Variants in C1orf167 observed in about 807,000 individuals in gnomAD.
C1orf167 encodes uncharacterized protein C1orf167.
A neutral mutation model predicts 176.5 loss-of-function variants in C1orf167; 153 were observed. That is an observed-to-expected ratio of 0.87 (90% CI 0.76 to 0.99). The LOEUF is 0.99. Among genes scored for constraint, C1orf167 ranks in the 50% least tolerant of loss-of-function variants. The probability of loss-of-function intolerance (pLI) is 0.00; values close to 1 mark genes in which losing one functional copy is unlikely to be tolerated. For missense variants in C1orf167, 1,490 were observed against 1,817.7 expected, an observed-to-expected ratio of 0.82 and a Z score of 3.28; for synonymous variants, 594 against 752.7, an observed-to-expected ratio of 0.79 and a Z score of 3.45.
chr1:11,768,409 T>C lies in C1orf167; in HGVS notation c.1542+134T>C. The C allele has an allele frequency of 1.3e-6, 1 of 760,660 alleles. No homozygotes were observed. The highest frequency in any genetic ancestry group is 1.7e-5 in the South Asian group (1 of 57,458). The allele number at this position is 760,660 out of a possible 1,614,324, so 47.1% of individuals were successfully genotyped here. Reference sequence around the variant, plus strand: ...GAATGATCAGCAGTAAAGGGTGTAGTTGTGAGTCCACACACCTGAATCAGC... The same window carrying C: ...GAATGATCAGCAGTAAAGGGTGTAGCTGTGAGTCCACACACCTGAATCAGC... On this transcript the variant is annotated intron_variant, in intron 5 of 20. Transcript: ENST00000688073. The surrounding 1 kb of genome is among the most constrained non-coding windows in gnomAD (Gnocchi z 4.5).
At position 11,784,433 on chromosome 1, in the gene C1orf167, C is replaced by T. The variant is rs1183652400; in HGVS notation, c.3265C>T (p.Pro1089Ser). 7.7e-7 allele frequency: 1 copy of T among 1,303,652 alleles called. No homozygotes were observed. Among genetic ancestry groups the T allele is most frequent in the Non-Finnish European group, 1.0e-6 (1 of 988,880 alleles). 80.8% of individuals were successfully genotyped at this position (1,303,652 alleles called of 1,614,324 possible). ...ARAPQAFPAW[P>S]VAPGMHHEAQ... ...GGCCCCACAGGCCTTCCCAGCATGGCCAGTGGCCCCGGGCATGCACCATGA... is the reference window on the plus strand; with the variant it reads ...GGCCCCACAGGCCTTCCCAGCATGGTCAGTGGCCCCGGGCATGCACCATGA... The change falls in exon 15 of 21, where the codon CCA (proline) becomes TCA (serine). Residue 1089 changes from proline (P) to serine (S), a missense_variant. Transcript: ENST00000688073.
chr1:11,789,029 G>A, intron 20 of C1orf167: 1 of 391,942 alleles, frequency 2.6e-6, no homozygotes, highest in Non-Finnish European at 4.8e-6. Context: ...AGCCCATGGA[G>A]GGCCTGGGTC....
chr1:11,778,944 C>T lies in C1orf167; in HGVS notation c.2515C>T (p.Leu839Phe), dbSNP rs1022219939. ...TCCCCAGGTTCCCAGGGCCCCCACC[C>T]TCCCGGACACTCTCCAGGGGAGCCT... is the stretch of plus-strand genomic sequence containing the variant. ...SLEKVPRAPT[L>F]PDTLQGSLLW... The change falls in exon 12 of 21, where the codon CTC (leucine) becomes TTC (phenylalanine). Residue 839 changes from leucine to phenylalanine, a missense_variant. By Grantham distance (22) the Leu-to-Phe change is conservative (BLOSUM62 0). Coordinates refer to ENST00000688073, the MANE Select transcript of C1orf167 (RefSeq NM_001010881.2). The T allele has an allele frequency of 9.2e-6, 12 of 1,303,660 alleles. No homozygotes were observed. The highest frequency in any genetic ancestry group is 1.2e-5 in the Non-Finnish European group (12 of 988,636). 80.8% of individuals were successfully genotyped at this position (1,303,660 alleles called of 1,614,324 possible). A position where few individuals can be genotyped will look rare whatever the true frequency, so the allele number is the denominator to read the frequency against.
In C1orf167 at chr1:11,785,170, T is replaced by G. The variant is rs1389963370; in HGVS notation, c.3448T>G (p.Ser1150Ala). The stretch of plus-strand genomic sequence containing the variant: ...CAGGGTCCTAGAGGCCTCGGTGCAG[T>G]CGGCGGTGCGCGGCGGTGTCCAGCG... ...RAWVLEASVQ[S>A]AVRGGVQRAI... The change falls in exon 16 of 21, where the codon TCG (serine) becomes GCG (alanine). Residue 1150 changes from serine (S) to alanine (A), a missense_variant. Physicochemically the swap from Ser to Ala is moderately conservative, Grantham distance 99. Transcript: ENST00000688073. 1 of 1,291,222 alleles carries G rather than the reference T, an allele frequency of 7.7e-7. No homozygotes were observed. The highest frequency in any genetic ancestry group is 1.0e-6 in the Non-Finnish European group (1 of 988,706). 80.0% of individuals were successfully genotyped at this position (1,291,222 alleles called of 1,614,324 possible).
chr1:11,788,286 G>C lies in C1orf167; in HGVS notation c.3986G>C (p.Arg1329Pro). The change falls in exon 19 of 21, where the codon CGG becomes CCG. Residue 1329 changes from arginine to proline, a missense_variant. Arg to Pro is a moderately radical substitution (Grantham distance 103, BLOSUM62 -2). Transcript: ENST00000688073. ...AAPVPRGTAS[R>P]AAGFPAGQVP... is the part of the protein sequence containing the mutation. ...CCGGTGCCTCGAGGCACTGCTTCAC[G>C]GGCTGCGGGGTTCCCAGCAGGCCAG... 1 of 1,303,692 alleles carries C rather than the reference G, an allele frequency of 7.7e-7. No individual in the cohort carries two copies. The highest frequency in any genetic ancestry group is 1.0e-6 in the Non-Finnish European group (1 of 988,614). 80.8% of individuals were successfully genotyped at this position (1,303,692 alleles called of 1,614,324 possible).
At chr1:11,787,574 A>G (rs1196218947) in intron 17 of C1orf167, 81 bp downstream of exon 17, 1 of 1,009,894 alleles carries the variant, frequency 9.9e-7, no homozygotes, top group Non-Finnish European at 1.3e-6. Flanking sequence ...GGGCCTGGAA[A>G]TCAGCTCCTT....
At chr1:11,763,028 C>T (rs770482045) in intron 1 of C1orf167, among the ~76,000 whole-genome samples, 4 of 152,092 alleles carry the variant, frequency 2.6e-5, no homozygotes, top group Admixed American at 6.5e-5. Context: ...AGCACAGAGG[C>T]GCTGAGGTGA....
Position 11,771,523 on chromosome 1 carries a change from G to C in C1orf167, c.1698-1G>C. 1 of 1,289,542 alleles carries C rather than the reference G, an allele frequency of 7.8e-7. No individual in the cohort carries two copies. Among genetic ancestry groups the C allele is most frequent in the Non-Finnish European group, 1.0e-6 (1 of 988,660 alleles). The allele number at this position is 1,289,542 out of a possible 1,614,324, so 79.9% of individuals were successfully genotyped here. ...TTCTCTCTGGGCAACTTTGCTTTTA[G>C]TCCAGGAAGTCTGAGGGAGGAGGAG... On this transcript the variant is annotated splice_acceptor_variant, in intron 6 of 20. Transcript: ENST00000688073. LOFTEE classifies it high-confidence loss of function.
chr1:11,772,587 C>T (rs537932754), intron 8 of C1orf167, among the ~76,000 whole-genome samples: 1 of 152,308 alleles, frequency 6.6e-6, no homozygotes, highest in South Asian at 2.1e-4. Context: ...TTTAAGTCAG[C>T]TCTTGACTCC....
intron 16 of C1orf167, 79 bp downstream of exon 16, chr1:11,785,368 G>T: frequency 8.4e-7 from 1 of 1,194,550 alleles, no homozygotes; most frequent in Non-Finnish European, 1.1e-6. Context: ...GGACGCCCCA[G>T]CCCCTTGGAA....
At chr1:11,787,345 A>G (rs1643904342) in intron 16 of C1orf167, 43 bp from the exon 17 acceptor site, 1 of 1,202,210 alleles carries the variant, frequency 8.3e-7, no homozygotes, top group African/African-American at 1.6e-5. Flanking sequence ...CAGGAAGTCC[A>G]AGCCCATGGG....
In C1orf167 at chr1:11,785,177, T is replaced by C. The variant is rs752789543; in HGVS notation, c.3455T>C (p.Val1152Ala). The change falls in exon 16 of 21, where the codon GTG becomes GCG. Residue 1152 changes from valine to alanine, a missense_variant. Val to Ala is a moderately conservative substitution (Grantham distance 64). Coordinates refer to ENST00000688073, the MANE Select transcript of C1orf167 (RefSeq NM_001010881.2). ...CTAGAGGCCTCGGTGCAGTCGGCGGTGCGCGGCGGTGTCCAGCGAGCCATC... is the reference window on the plus strand; with the variant it reads ...CTAGAGGCCTCGGTGCAGTCGGCGGCGCGCGGCGGTGTCCAGCGAGCCATC... ...WVLEASVQSA[V>A]RGGVQRAILT... is the part of the protein sequence containing the mutation. The C allele has an allele frequency of 1.4e-5, 18 of 1,291,314 alleles. No individual in the cohort carries two copies. The South Asian group carries it at 1.5e-4, about 11-fold the overall frequency. The allele number at this position is 1,291,314 out of a possible 1,614,324, so 80.0% of individuals were successfully genotyped here. A position where few individuals can be genotyped will look rare whatever the true frequency, so the allele number is the denominator to read the frequency against.
At chr1:11,786,429 T>A (rs1643870656) in intron 16 of C1orf167, 1 of 152,150 alleles carries the variant, frequency 6.6e-6, no homozygotes, top group East Asian at 1.9e-4. Context: ...TAAGGTGATT[T>A]TTTTTTTCAG....
intron 1 of C1orf167, among the ~76,000 whole-genome samples, chr1:11,763,029 G>A (rs1026050733): frequency 4.6e-5 from 7 of 152,216 alleles, no homozygotes; most frequent in Admixed American, 2.6e-4. Context: ...GCACAGAGGC[G>A]CTGAGGTGAG....
chr1:11,772,227 G>A lies in C1orf167; in HGVS notation c.1956G>A (p.Leu652=). The A allele has an allele frequency of 7.7e-7, 1 of 1,304,128 alleles. No individual in the cohort carries two copies. The highest frequency in any genetic ancestry group is 1.0e-6 in the Non-Finnish European group (1 of 988,914). 80.8% of individuals were successfully genotyped at this position (1,304,128 alleles called of 1,614,324 possible). A position where few individuals can be genotyped will look rare whatever the true frequency, so the allele number is the denominator to read the frequency against. ...CAGGTGTAGCCTGGGTGGCCCCACTGAGCCCCCAGCACCAGAGAGCTTGGC... is the reference window on the plus strand; with the variant it reads ...CAGGTGTAGCCTGGGTGGCCCCACTAAGCCCCCAGCACCAGAGAGCTTGGC... ...TAAGVAWVAP[L]SPQHQRAWLC... The change falls in exon 8 of 21, where the codon CTG becomes CTA. Residue 652 remains leucine (L), a synonymous_variant. Transcript: ENST00000688073.
chr1:11,769,220 A>G (rs1369350092), intron 6 of C1orf167, 93 bp downstream of exon 6: 3 of 916,386 alleles, frequency 3.3e-6, no homozygotes, highest in African/African-American at 1.8e-5. Context: ...AAGAATGGGA[A>G]TGAAATAAGC....
intron 1 of C1orf167, among the ~76,000 whole-genome samples, chr1:11,764,107 G>T (rs796962730): frequency 6.6e-6 from 1 of 152,182 alleles, no homozygotes; most frequent in African/African-American, 2.4e-5. Flanking sequence ...GAGAGGTCTG[G>T]GGGGCAGGAT....
intron 8 of C1orf167, among the ~76,000 whole-genome samples, chr1:11,773,703 A>C (rs1643185372): frequency 1.3e-5 from 2 of 152,220 alleles, no homozygotes; most frequent in Non-Finnish European, 2.9e-5. Context: ...GTGAGACTCC[A>C]TCTCAGAAAT....
In C1orf167 at chr1:11,767,759, G is replaced by A. The variant is rs192485918; in HGVS notation, c.1344-318G>A. On this transcript the variant is annotated intron_variant, in intron 4 of 20. Transcript: ENST00000688073. ...GAGGATCACTTGAGCCCAGGAGGTC[G>A]AGGCTGCAGTGAACCGTTATCATGC... Among the ~76,000 whole-genome samples, 110 of 152,206 alleles carry A rather than the reference G, an allele frequency of 7.2e-4. 1 individual carries two copies. The highest frequency in any genetic ancestry group is 2.1e-3 in the African/African-American group (89 of 41,538).
Sources: gnomAD v4.1 joint callset for allele counts (sites outside exome capture counted in the v4.1 genomes callset) on GRCh38, gnomAD v4.1.1 for gene constraint, Gnocchi (gnomAD v3.1) non-coding constraint, MANE v1.5 for transcripts, NCBI Gene and HGNC (gene_info 2026-07-23, HGNC 2026-07-21) for gene names.